Variants in SECISBP2L observed in about 807,000 individuals in gnomAD.
SECISBP2L encodes the protein SECIS binding protein 2 like, also known as selenocysteine insertion sequence-binding protein 2-like.
In SECISBP2L, 43 loss-of-function variants were observed where a neutral mutation model predicts 114.7. That is an observed-to-expected ratio of 0.38 (90% CI 0.29 to 0.48). The LOEUF is 0.48. SECISBP2L is among the 20% of genes least tolerant of loss of function. The pLI is 0.98. For synonymous variants in SECISBP2L, 451 were observed against 439.7 expected (o/e 1.03, Z -0.32); for missense variants, 1,136 against 1,301.1 (o/e 0.87, Z 1.95).
chr15:48,996,077 C>A, intron 17 of SECISBP2L: 2 of 303,056 alleles, frequency 6.6e-6, no homozygotes, highest in Non-Finnish European at 1.2e-5. Context: ...ATAAAACTTC[C>A]TAATGTTTAG....
chr15:49,010,244 C>T (rs2141068152), intron 13 of SECISBP2L, among the ~76,000 whole-genome samples: 1 of 150,834 alleles, frequency 6.6e-6, no homozygotes, highest in East Asian at 2.0e-4. Context: ...CAATCTAAAA[C>T]TTCCCATTAT....
Position 48,990,943 on chromosome 15 carries a change from G to A in SECISBP2L, c.*1301C>T, listed in dbSNP as rs1901965252. On this transcript the variant is annotated 3_prime_UTR_variant, in exon 18 of 18. Coordinates refer to ENST00000559471, the MANE Select transcript of SECISBP2L (RefSeq NM_001193489.2). ...CATTCTTCCACCATTACATAAACTT[G>A]TAAAGTCACTGAAGTCCAGGTGGTG... 6.6e-6 allele frequency: 1 copy of A among 152,252 alleles called. No individual in the cohort carries two copies. The highest frequency in any genetic ancestry group is 1.9e-4 in the East Asian group (1 of 5,184). 9.4% of individuals were successfully genotyped at this position (152,252 alleles called of 1,614,324 possible).
chr15:49,033,158 AT>A (rs1262003207), intron 3 of SECISBP2L, 58 bp from the exon 4 acceptor site: 44 of 1,537,006 alleles, frequency 2.9e-5, no homozygotes, highest in Non-Finnish European at 3.7e-5. Flanking sequence ...TGTACTGAAC[AT>A]TATAAAAAAC....
At chr15:48,997,878 A>C (rs1236487569) in intron 16 of SECISBP2L, among the ~76,000 whole-genome samples, 1 of 152,168 alleles carries the variant, frequency 6.6e-6, no homozygotes, top group Non-Finnish European at 1.5e-5. Context: ...TCAAAAAAAA[A>C]TAATAAGATG....
intron 1 of SECISBP2L, among the ~76,000 whole-genome samples, chr15:49,043,325 A>G (rs575793495): frequency 1.3e-5 from 2 of 152,192 alleles, no homozygotes; most frequent in Non-Finnish European, 2.9e-5. Flanking sequence ...CGCATGTTGC[A>G]TGAAATCATA....
chr15:48,996,756 A>C (rs183351695), intron 16 of SECISBP2L, among the ~76,000 whole-genome samples, 170 bp from the exon 17 acceptor site: 293 of 152,348 alleles, frequency 1.9e-3, no homozygotes, highest in Non-Finnish European at 1.7e-3. Context: ...TGTAACTTAC[A>C]TTTACTGTTT....
intron 11 of SECISBP2L, among the ~76,000 whole-genome samples, chr15:49,014,233 C>T (rs994515080): frequency 3.3e-5 from 5 of 152,158 alleles, no homozygotes; most frequent in African/African-American, 1.2e-4. Flanking sequence ...CTATCCTTGC[C>T]TTCTGTAACA....
intron 4 of SECISBP2L, among the ~76,000 whole-genome samples, chr15:49,031,803 G>C (rs1364140644): frequency 6.6e-6 from 1 of 152,084 alleles, no homozygotes; most frequent in African/African-American, 2.4e-5. Context: ...GAATGTCTTT[G>C]TGGTTAAAAT....
intron 7 of SECISBP2L, among the ~76,000 whole-genome samples, chr15:49,022,639 T>C (rs1277039842): frequency 6.6e-6 from 1 of 152,174 alleles, no homozygotes; most frequent in Non-Finnish European, 1.5e-5. Flanking sequence ...ATACTGTTTT[T>C]GCATAGAAAG....
intron 15 of SECISBP2L, among the ~76,000 whole-genome samples, chr15:49,000,385 T>C (rs1566852266): frequency 1.3e-5 from 2 of 152,204 alleles, no homozygotes; most frequent in Admixed American, 6.5e-5. Flanking sequence ...CTCACTGATA[T>C]TCCTCGCCAT....
At chr15:48,997,715 CA>C (rs1248939233) in intron 16 of SECISBP2L, among the ~76,000 whole-genome samples, 2 of 151,892 alleles carry the variant, frequency 1.3e-5, no homozygotes, top group Admixed American at 6.6e-5. Context: ...ACTAAAAATA[CA>C]AAATTAGCTG....
At chr15:49,005,355 G>A (rs1343421388) in intron 14 of SECISBP2L, among the ~76,000 whole-genome samples, 1 of 152,028 alleles carries the variant, frequency 6.6e-6, no homozygotes, top group Non-Finnish European at 1.5e-5. Flanking sequence ...CACTATTTTT[G>A]TGTAGGAGTC....
intron 13 of SECISBP2L, chr15:49,011,471 C>T: frequency 3.0e-6 from 1 of 337,576 alleles, no homozygotes; most frequent in Non-Finnish European, 5.3e-6. Flanking sequence ...TTCGTGACAT[C>T]TTAATTTTGA....
chr15:48,996,048 C>T, intron 17 of SECISBP2L: 1 of 249,434 alleles, frequency 4.0e-6, no homozygotes, highest in South Asian at 5.6e-5. Flanking sequence ...ATTTTAGTAA[C>T]TGAGCATAAA....
chr15:49,013,517 G>C (rs779729202), intron 11 of SECISBP2L, among the ~76,000 whole-genome samples: 1 of 152,118 alleles, frequency 6.6e-6, no homozygotes, highest in Non-Finnish European at 1.5e-5. Flanking sequence ...GGATGGTCTC[G>C]ATCTCTTGAC....
chr15:49,006,821 T>C (rs12904439), intron 14 of SECISBP2L, among the ~76,000 whole-genome samples: 110,763 of 151,958 alleles, frequency 0.73, 40,836 homozygotes, highest in Middle Eastern at 0.78. Context: ...ATTCTCCGTC[T>C]AGTTTTGTTC....
rs1476526219 is a variant in SECISBP2L at position 48,992,930 on chromosome 15, C to T, written c.2624-4G>A. The T allele has an allele frequency of 1.2e-6, 2 of 1,607,294 alleles. No individual in the cohort carries two copies. The highest frequency in any genetic ancestry group is 2.2e-5 in the East Asian group (1 of 44,784). ...ACCATGTTTCTCCAATTTGTTTCTACAAGTATCAAGCAGATTTTTTAAAAA... is the reference window on the plus strand; with the variant it reads ...ACCATGTTTCTCCAATTTGTTTCTATAAGTATCAAGCAGATTTTTTAAAAA... On this transcript the variant is annotated splice_region_variant and splice_polypyrimidine_tract_variant and intron_variant, in intron 17 of 17. Coordinates refer to ENST00000559471, the MANE Select transcript of SECISBP2L (RefSeq NM_001193489.2).
At position 49,012,791 on chromosome 15, in the gene SECISBP2L, T is replaced by C. The variant is rs1190344413; in HGVS notation, c.1588A>G (p.Lys530Glu). The C allele has an allele frequency of 3.1e-6, 5 of 1,612,922 alleles. No individual in the cohort carries two copies. The highest frequency in any genetic ancestry group is 4.5e-5 in the East Asian group (2 of 44,816). ...AAAGGTTTTCTATTAGTAGAGTCTTTAGTGTGAAAAGAAGCTGCAGTAACC... is the reference window on the plus strand; with the variant it reads ...AAAGGTTTTCTATTAGTAGAGTCTTCAGTGTGAAAAGAAGCTGCAGTAACC... ...TVVTAASFHT[K>E]DSTNRKPLTK... Residue 530 changes from lysine to glutamate, a missense_variant, in exon 12 of 18, where the codon AAA becomes GAA. By Grantham distance (56) the Lys-to-Glu change is moderately conservative. Around this residue, in one of 2 missense-constraint regions of SECISBP2L, gnomAD observed 684 missense variants for 848.7 expected, o/e 0.81. Coordinates refer to ENST00000559471, the MANE Select transcript of SECISBP2L (RefSeq NM_001193489.2).
intron 11 of SECISBP2L, 40 bp downstream of exon 11, chr15:49,016,520 G>C: frequency 6.4e-7 from 1 of 1,565,638 alleles, no homozygotes. Context: ...ACATATATTA[G>C]CAGAGACAAA....
Sources: gnomAD v4.1 joint callset for allele counts (sites outside exome capture counted in the v4.1 genomes callset) on GRCh38, gnomAD v4.1.1 for gene constraint, gnomAD v4.1.1 regional missense constraint, MANE v1.5 for transcripts, NCBI Gene and HGNC (gene_info 2026-07-23, HGNC 2026-07-21) for gene names.